The following SEPTIN1 variants were observed in gnomAD, a reference collection of about 807,000 sequenced individuals.
SEPTIN1 encodes septin 1, also known as septin-1.
Under a neutral mutation model 50.7 loss-of-function variants are expected in SEPTIN1, and 52 were observed. That is an observed-to-expected ratio of 1.03 (90% CI 0.82 to 1.29). The LOEUF (loss-of-function observed/expected upper bound fraction) is 1.29. Among genes scored for constraint, SEPTIN1 ranks in the 50% most tolerant of loss-of-function variants. The probability of loss-of-function intolerance (pLI) is 0.00; values close to 1 mark genes in which losing one functional copy is unlikely to be tolerated. For missense variants in SEPTIN1, 455 were observed against 490.7 expected (o/e 0.93, Z 0.69); for synonymous variants, 204 against 189.1 (o/e 1.08, Z -0.65).
rs761903958 is a variant in SEPTIN1 at position 30,378,432 on chromosome 16, C to T, written c.*2G>A. On this transcript the variant is annotated 3_prime_UTR_variant, in exon 11 of 11. Coordinates refer to ENST00000321367, the MANE Select transcript of SEPTIN1 (RefSeq NM_001365977.2). ...CGAGGTAAGGCCGGGCGGGGCGTGGCCTCAGAGGGCGTCTGACTGCTCGCC... is the reference window on the plus strand; with the variant it reads ...CGAGGTAAGGCCGGGCGGGGCGTGGTCTCAGAGGGCGTCTGACTGCTCGCC... The T allele has an allele frequency of 6.4e-6, 10 of 1,566,586 alleles. No homozygotes were observed. In the South Asian group the frequency reaches 1.0e-4, roughly 16 times the overall value.
At position 30,379,513 on chromosome 16, in the gene SEPTIN1, C is replaced by T. The variant is rs960799078; in HGVS notation, c.697G>A (p.Val233Met). 5 of 1,613,890 alleles carry T rather than the reference C, an allele frequency of 3.1e-6. No individual in the cohort carries two copies. The highest frequency in any genetic ancestry group is 4.2e-6 in the Non-Finnish European group (5 of 1,179,996). The part of the protein sequence containing the change: ...EMKESIPFAV[V>M]GSCEVVRDGG... ...TCCCTCACCACCTCGCATGATCCCA[C>T]GACTGCAAAAGGGATGCTTTCCTGG... Residue 233 changes from valine to methionine, a missense_variant, in exon 8 of 11, where the codon GTG becomes ATG. Val to Met is a conservative substitution (Grantham distance 21). Coordinates refer to ENST00000321367, the MANE Select transcript of SEPTIN1 (RefSeq NM_001365977.2).
intron 8 of SEPTIN1, 30 bp from the exon 9 acceptor site, chr16:30,379,213 C>A: frequency 6.2e-7 from 1 of 1,611,996 alleles, no homozygotes; most frequent in Non-Finnish European, 8.5e-7. Flanking sequence ...GACCAGCGAA[C>A]GTCAGGGAGT....
intron 6 of SEPTIN1, 138 bp from the exon 7 acceptor site, chr16:30,380,171 T>C: frequency 1.7e-6 from 1 of 596,358 alleles, no homozygotes. Flanking sequence ...TGGGGAGAGA[T>C]GGACATACAG....
chr16:30,378,793 C>T (rs966001302), intron 9 of SEPTIN1, 93 bp from the exon 10 acceptor site: 108 of 1,252,160 alleles, frequency 8.6e-5, no homozygotes, highest in Non-Finnish European at 1.0e-4. Flanking sequence ...AGGTTGGGGT[C>T]TAGGAGGCGG....
chr16:30,382,037 T>G lies in SEPTIN1; in HGVS notation c.196+56A>C, dbSNP rs1056658154. The G allele has an allele frequency of 7.5e-6, 12 of 1,590,546 alleles. No individual in the cohort carries two copies. The Admixed American group carries it at 1.4e-4, about 19-fold the overall frequency. On this transcript the variant is annotated intron_variant, in intron 3 of 10. Transcript: ENST00000321367. The surrounding 1 kb of genome is among the most constrained non-coding windows in gnomAD (Gnocchi z 4.8). Reference sequence around the variant, plus strand: ...ACCTGAGTCCCCAGATGGAAAAGACTAGGGTGTAACCTGGGGACAGGGGCT... The same window carrying G: ...ACCTGAGTCCCCAGATGGAAAAGACGAGGGTGTAACCTGGGGACAGGGGCT...
In SEPTIN1 at chr16:30,381,365, G is replaced by A. The variant is rs1367841055; in HGVS notation, c.429C>T (p.Leu143=). Residue 143 remains leucine (L), a synonymous_variant, in exon 5 of 11, where the codon CTC becomes CTT. Coordinates refer to ENST00000321367, the MANE Select transcript of SEPTIN1 (RefSeq NM_001365977.2). The surrounding 1 kb of genome is among the most constrained non-coding windows in gnomAD (Gnocchi z 4.3). ...NIQDSRVHCC[L]YFISPFGRGL... ...CCCGGCCGAAGGGTGAGATGAAGTA[G>A]AGGCAGCAGTGGACTCGGGAGTCCT... The A allele has an allele frequency of 6.2e-7, 1 of 1,613,382 alleles. No homozygotes were observed. The highest frequency in any genetic ancestry group is 1.1e-5 in the South Asian group (1 of 91,034).
intron 8 of SEPTIN1, 79 bp downstream of exon 8, chr16:30,379,356 A>G (rs41292378): frequency 0.019 from 26,934 of 1,453,478 alleles, 312 homozygotes; most frequent in Non-Finnish European, 0.022. Context: ...GCCCACCCCA[A>G]CTTCACATGT....
In SEPTIN1 at chr16:30,379,017, C is replaced by A; in HGVS notation, c.941+1G>T. The A allele has an allele frequency of 1.9e-6, 3 of 1,612,690 alleles. No individual in the cohort carries two copies. Among genetic ancestry groups the A allele is most frequent in the Non-Finnish European group, 2.5e-6 (3 of 1,179,598 alleles). ...CTGATACTGTCCGCCCCGGGTCTCACCTGCGGCTGGCTCGATCGCGAGCCC... is the reference window on the plus strand; with the variant it reads ...CTGATACTGTCCGCCCCGGGTCTCAACTGCGGCTGGCTCGATCGCGAGCCC... On this transcript the variant is annotated splice_donor_variant, in intron 9 of 10. Coordinates refer to ENST00000321367, the MANE Select transcript of SEPTIN1 (RefSeq NM_001365977.2). LOFTEE classifies it high-confidence loss of function.
intron 8 of SEPTIN1, 29 bp downstream of exon 8, chr16:30,379,406 C>T: frequency 6.3e-7 from 1 of 1,592,620 alleles, no homozygotes; most frequent in Non-Finnish European, 8.6e-7. Context: ...TCCCTGCTGG[C>T]CTTAGGACCC....
At chr16:30,378,990 C>T (rs1486609958) in intron 9 of SEPTIN1, 28 bp downstream of exon 9, 2 of 1,604,770 alleles carry the variant, frequency 1.2e-6, no homozygotes, top group Non-Finnish European at 1.7e-6. Context: ...ACCTTGGAGG[C>T]TCTGATACTG....
Position 30,379,540 on chromosome 16 carries a change from G to A in SEPTIN1, c.676-6C>T, listed in dbSNP as rs1471348011. The A allele has an allele frequency of 6.2e-7, 1 of 1,608,096 alleles. No individual in the cohort carries two copies. Among genetic ancestry groups the A allele is most frequent in the Non-Finnish European group, 8.5e-7 (1 of 1,175,252 alleles). On this transcript the variant is annotated splice_polypyrimidine_tract_variant and splice_region_variant and intron_variant, in intron 7 of 10. Coordinates refer to ENST00000321367, the MANE Select transcript of SEPTIN1 (RefSeq NM_001365977.2). The stretch of plus-strand genomic sequence containing the variant: ...ACTGCAAAAGGGATGCTTTCCTGGA[G>A]GGCAGGGGGCAGGGGTTCACCATTG...
intron 7 of SEPTIN1, 30 bp downstream of exon 7, chr16:30,379,902 C>T (rs928455956): frequency 1.2e-5 from 15 of 1,266,092 alleles, no homozygotes; most frequent in African/African-American, 8.9e-5. Context: ...CCACCGTGCC[C>T]GGCCTGCCTT....
At chr16:30,378,812 C>T (rs542340766) in intron 9 of SEPTIN1, 112 bp from the exon 10 acceptor site, 11 of 884,328 alleles carry the variant, frequency 1.2e-5, no homozygotes, top group Non-Finnish European at 1.6e-5. Context: ...GGAGCCAGTT[C>T]CTTGAGGTTA....
chr16:30,380,090 A>G, intron 6 of SEPTIN1, 57 bp from the exon 7 acceptor site: 2 of 1,430,062 alleles, frequency 1.4e-6, no homozygotes, highest in East Asian at 2.4e-5. Context: ...CAGACATTTC[A>G]TGACCAGAGA....
chr16:30,378,261 C>T lies in SEPTIN1; in HGVS notation c.*173G>A. The T allele has an allele frequency of 1.5e-6, 1 of 665,508 alleles. No individual in the cohort carries two copies. Among genetic ancestry groups the T allele is most frequent in the South Asian group, 1.8e-5 (1 of 54,618 alleles). The allele number at this position is 665,508 out of a possible 1,614,324, so 41.2% of individuals were successfully genotyped here. ...GGGAAGTGGGCGGTGTCTGGGTGGG[C>T]GGGACCAGCGCCGGGGCGGGGCTAC... On this transcript the variant is annotated 3_prime_UTR_variant, in exon 11 of 11. Coordinates refer to ENST00000321367, the MANE Select transcript of SEPTIN1 (RefSeq NM_001365977.2).
Position 30,381,527 on chromosome 16 carries a change from G to A in SEPTIN1, c.321-54C>T, listed in dbSNP as rs1450840899. 5 of 1,600,500 alleles carry A rather than the reference G, an allele frequency of 3.1e-6. No homozygotes were observed. The highest frequency in any genetic ancestry group is 2.2e-5 in the East Asian group (1 of 44,820). ...GAGATCAAAGGCCAGAGGGCAGGGGGCAAGGCTAGCCAGGACTGTGGGAGT... is the reference window on the plus strand; with the variant it reads ...GAGATCAAAGGCCAGAGGGCAGGGGACAAGGCTAGCCAGGACTGTGGGAGT... On this transcript the variant is annotated intron_variant, in intron 4 of 10. Transcript: ENST00000321367. This position sits in a 1 kb window ranked among gnomAD's most constrained non-coding sequence, Gnocchi z 4.3.
chr16:30,381,177 C>T lies in SEPTIN1; in HGVS notation c.523G>A (p.Gly175Ser). Residue 175 changes from glycine to serine, a missense_variant, in exon 6 of 11, where the codon GGC (glycine) becomes AGC (serine). Physicochemically the swap from Gly to Ser is moderately conservative, Grantham distance 56. Coordinates refer to ENST00000321367, the MANE Select transcript of SEPTIN1 (RefSeq NM_001365977.2). This position sits in a 1 kb window ranked among gnomAD's most constrained non-coding sequence, Gnocchi z 4.3. ...TGGGGCATCAGAGCATCCGCTTTGC[C>T]AATGACTGGGATGATGTTGACTTTC... ...HEKVNIIPVI[G>S]KADALMPQET... 1.2e-6 allele frequency: 2 copies of T among 1,614,096 alleles called. No individual in the cohort carries two copies. The highest frequency in any genetic ancestry group is 1.7e-6 in the Non-Finnish European group (2 of 1,180,004).
chr16:30,379,640 CTTTTTTTTTTTTTT>C, intron 7 of SEPTIN1, 106 bp from the exon 8 acceptor site: 2 of 236,242 alleles, frequency 8.5e-6, no homozygotes, highest in Non-Finnish European at 7.5e-6. Flanking sequence ...GCCCCTTCCT[CTTTTTTTTTTTTTT>C]TTTTTTTTTT....
chr16:30,378,338 G>T lies in SEPTIN1; in HGVS notation c.*96C>A. The T allele has an allele frequency of 8.2e-7, 1 of 1,213,702 alleles. No individual in the cohort carries two copies. The highest frequency in any genetic ancestry group is 1.5e-5 in the South Asian group (1 of 68,274). The allele number at this position is 1,213,702 out of a possible 1,614,324, so 75.2% of individuals were successfully genotyped here. ...TAGCCCGCGCGAGGGCGGCACCCGCGGAGGTCCCGGGGGGCGCTGGGCAGT... is the reference window on the plus strand; with the variant it reads ...TAGCCCGCGCGAGGGCGGCACCCGCTGAGGTCCCGGGGGGCGCTGGGCAGT... On this transcript the variant is annotated 3_prime_UTR_variant, in exon 11 of 11. Transcript: ENST00000321367.
Sources: allele counts gnomAD v4.1 joint callset, GRCh38; gene constraint gnomAD v4.1.1; non-coding constraint Gnocchi (gnomAD v3.1); transcripts MANE v1.5; gene names NCBI Gene and HGNC (gene_info 2026-07-23, HGNC 2026-07-21).